The following XPOT variants were observed in gnomAD, a reference collection of about 807,000 sequenced individuals.
The protein encoded by XPOT is exportin-T.
XPOT carries 34 observed loss-of-function variants against 128.2 expected under a neutral mutation model. The ratio of observed to expected loss-of-function variants is 0.27; its 90% CI spans 0.20 to 0.35. XPOT has a LOEUF of 0.35. Ranked by LOEUF, XPOT falls within the 10% of genes least tolerant of loss-of-function variation. XPOT has a pLI of 1.00. For synonymous variants in XPOT, 348 were observed against 394.3 expected (o/e 0.88, Z 1.39); for missense variants, 838 against 1,125.3 (o/e 0.74, Z 3.65).
intron 4 of XPOT, among the ~76,000 whole-genome samples, chr12:64,417,016 T>C (rs1241166610): frequency 6.6e-6 from 1 of 151,916 alleles, no homozygotes; most frequent in East Asian, 1.9e-4. Context: ...AGTTTGAGAC[T>C]AACCAGCCTG....
At position 64,425,188 on chromosome 12, in the gene XPOT, T is replaced by C; in HGVS notation, c.1452+6T>C. 1 of 1,613,844 alleles carries C rather than the reference T, an allele frequency of 6.2e-7. No individual in the cohort carries two copies. Among genetic ancestry groups the C allele is most frequent in the Non-Finnish European group, 8.5e-7 (1 of 1,179,892 alleles). ...TGCAGGATATGATGCGAACTGTAAG[T>C]ATACTGGAGATAATTTTGACCATAA... On this transcript the variant is annotated splice_donor_region_variant and intron_variant, in intron 13 of 24. Coordinates refer to ENST00000332707, the MANE Select transcript of XPOT (RefSeq NM_007235.6).
At chr12:64,437,850 C>G (rs2136034941) in intron 22 of XPOT, among the ~76,000 whole-genome samples, 1 of 152,262 alleles carries the variant, frequency 6.6e-6, no homozygotes. Flanking sequence ...TGTGGTGGTG[C>G]ACGCCTGTAA....
At chr12:64,407,652 G>T (rs1241147223) in intron 1 of XPOT, among the ~76,000 whole-genome samples, 1 of 152,070 alleles carries the variant, frequency 6.6e-6, no homozygotes, top group African/African-American at 2.4e-5. Flanking sequence ...GGACAGCAGG[G>T]GTTAACCTAC....
At chr12:64,444,198 A>C (rs1418169646) in intron 23 of XPOT, among the ~76,000 whole-genome samples, 1 of 152,046 alleles carries the variant, frequency 6.6e-6, no homozygotes, top group Non-Finnish European at 1.5e-5. Flanking sequence ...TATCCCTCTT[A>C]CTAGATGTGA....
intron 2 of XPOT, 57 bp from the exon 3 acceptor site, chr12:64,414,850 A>G: frequency 1.9e-6 from 2 of 1,048,222 alleles, no homozygotes; most frequent in South Asian, 1.3e-5. Flanking sequence ...TGTTTATATT[A>G]GCAGGGCATT....
At chr12:64,429,590 G>T (rs551934498) in intron 16 of XPOT, among the ~76,000 whole-genome samples, 4 of 151,922 alleles carry the variant, frequency 2.6e-5, no homozygotes, top group African/African-American at 7.2e-5. Flanking sequence ...CTACAGGTGC[G>T]CCACCACACC....
In XPOT at chr12:64,420,364, T is replaced by C. The variant is rs756179369; in HGVS notation, c.686T>C (p.Met229Thr). The change falls in exon 8 of 25, where the codon ATG becomes ACG. Residue 229 changes from methionine to threonine, a missense_variant. Coordinates refer to ENST00000332707, the MANE Select transcript of XPOT (RefSeq NM_007235.6). Reference protein sequence around the residue: ...SLIANDRFINMLLGHMSIEVL... With the variant: ...SLIANDRFINTLLGHMSIEVL... Reference sequence around the variant, plus strand: ...TGTCCCATTACCAGGTTTATAAATATGCTGCTAGGTCATATGTCAATAGAA... The same window carrying C: ...TGTCCCATTACCAGGTTTATAAATACGCTGCTAGGTCATATGTCAATAGAA... 1.2e-6 allele frequency: 2 copies of C among 1,610,800 alleles called. No individual in the cohort carries two copies. Among genetic ancestry groups the C allele is most frequent in the Non-Finnish European group, 8.5e-7 (1 of 1,179,122 alleles).
intron 11 of XPOT, among the ~76,000 whole-genome samples, chr12:64,424,077 A>G (rs2040168202): frequency 6.6e-6 from 1 of 152,222 alleles, no homozygotes; most frequent in African/African-American, 2.4e-5. Context: ...GTAAAAGGAT[A>G]ATAGTGGTGC....
intron 6 of XPOT, among the ~76,000 whole-genome samples, 155 bp from the exon 7 acceptor site, chr12:64,419,915 A>G (rs1043156609): frequency 3.3e-5 from 5 of 152,242 alleles, no homozygotes; most frequent in Non-Finnish European, 7.3e-5. Context: ...AGGAAATACA[A>G]AGAATCACAG....
intron 1 of XPOT, 133 bp downstream of exon 1, chr12:64,404,937 G>A (rs2039964425): frequency 6.6e-6 from 1 of 152,172 alleles, no homozygotes; most frequent in Non-Finnish European, 1.5e-5. Flanking sequence ...GACCCTCTAT[G>A]GCGGTGCACC....
intron 21 of XPOT, 55 bp downstream of exon 21, chr12:64,434,964 T>A (rs1037170294): frequency 7.2e-7 from 1 of 1,387,662 alleles, no homozygotes; most frequent in African/African-American, 1.4e-5. Context: ...TCCCAATTTC[T>A]TCTTTAATGC....
chr12:64,434,482 T>C (rs139435309), intron 19 of XPOT, 25 bp from the exon 20 acceptor site: 1 of 1,568,938 alleles, frequency 6.4e-7, no homozygotes, highest in East Asian at 2.3e-5. Flanking sequence ...TGGAAATTGC[T>C]TAAACTAAAG....
At chr12:64,423,122 A>G (rs1020780194) in intron 10 of XPOT, 60 bp from the exon 11 acceptor site, 2 of 1,592,720 alleles carry the variant, frequency 1.3e-6, no homozygotes, top group African/African-American at 2.7e-5. Context: ...CTTAATTTCA[A>G]ATTATATCAA....
rs1334851094 is a variant in XPOT, at chr12:64,449,096, G to A, written c.*965G>A. On this transcript the variant is annotated 3_prime_UTR_variant, in exon 25 of 25. Transcript: ENST00000332707. ...CGTAATCCCGGCTACTCAGGAGGCT[G>A]AGGCAGGAGAATCGCTTGAACCCGG... The A allele has an allele frequency of 6.6e-6, 1 of 152,076 alleles. No homozygotes were observed. Among genetic ancestry groups the A allele is most frequent in the Non-Finnish European group, 1.5e-5 (1 of 68,278 alleles). The allele number at this position is 152,076 out of a possible 1,614,324, so 9.4% of individuals were successfully genotyped here. A position where few individuals can be genotyped will look rare whatever the true frequency, so the allele number is the denominator to read the frequency against.
rs757199042 is a variant in XPOT, at chr12:64,420,088, C to G, written c.508C>G (p.Leu170Val). ...HTSEEARRNTLIKDTMREQCI... is the reference protein window; with the variant it reads ...HTSEEARRNTVIKDTMREQCI... ...ATTTTAGGAGGCTCGTAGGAATACT[C>G]TCATAAAAGATACCATGAGGGAACA... Residue 170 changes from leucine to valine, a missense_variant, in exon 7 of 25, where the codon CTC (leucine) becomes GTC (valine). Coordinates refer to ENST00000332707, the MANE Select transcript of XPOT (RefSeq NM_007235.6). The G allele has an allele frequency of 1.8e-5, 28 of 1,579,758 alleles. No individual in the cohort carries two copies. Among genetic ancestry groups the G allele is most frequent in the Non-Finnish European group, 2.2e-5 (26 of 1,169,198 alleles).
In XPOT at chr12:64,420,159, T is replaced by C. The variant is rs2040125126; in HGVS notation, c.579T>C (p.Asn193=). ...AATCATGGTACCAAATATTACAAAA[T>C]TATCAGTTTACTAATTCTGAAGTGA... ...LVESWYQILQ[N]YQFTNSEVTC... The change falls in exon 7 of 25, where the codon AAT becomes AAC. Residue 193 remains asparagine (N), a synonymous_variant. Transcript: ENST00000332707. 5 of 1,612,952 alleles carry C rather than the reference T, an allele frequency of 3.1e-6. No individual in the cohort carries two copies. The highest frequency in any genetic ancestry group is 3.4e-6 in the Non-Finnish European group (4 of 1,179,576).
At chr12:64,405,553 C>G (rs2039971464) in intron 1 of XPOT, among the ~76,000 whole-genome samples, 1 of 152,214 alleles carries the variant, frequency 6.6e-6, no homozygotes, top group African/African-American at 2.4e-5. Flanking sequence ...AAGTATGTTG[C>G]TTGCCTTCCC....
rs182685399 is a variant in XPOT, at chr12:64,422,106, G to A, written c.1080+635G>A. Among the ~76,000 whole-genome samples the A allele has an allele frequency of 1.6e-4, 25 of 152,186 alleles. No homozygotes were observed. In the East Asian group the frequency reaches 4.0e-3, roughly 25 times the overall value. ...ATTACAGGTGTGAGCCACCACGCCC[G>A]GCAACAATTTTTTACAATTAAAGTT... On this transcript the variant is annotated intron_variant, in intron 9 of 24. Coordinates refer to ENST00000332707, the MANE Select transcript of XPOT (RefSeq NM_007235.6).
At chr12:64,423,653 C>T (rs1268472602) in intron 11 of XPOT, among the ~76,000 whole-genome samples, 1 of 152,076 alleles carries the variant, frequency 6.6e-6, no homozygotes. Context: ...GGGGTTTCGC[C>T]GTGTTGGCCA....
Sources: gnomAD v4.1 joint callset for allele counts (sites outside exome capture counted in the v4.1 genomes callset) on GRCh38, gnomAD v4.1.1 for gene constraint, MANE v1.5 for transcripts, NCBI Gene and HGNC (gene_info 2026-07-23, HGNC 2026-07-21) for gene names.